SUPT16H: variants seen among roughly 807,000 people sequenced by gnomAD.
The protein encoded by SUPT16H is FACT complex subunit SPT16.
SUPT16H carries 24 observed loss-of-function variants against 136.2 expected under a neutral mutation model. That is an observed-to-expected ratio of 0.18 (90% CI 0.13 to 0.25). The LOEUF is 0.25. Among genes scored for constraint, SUPT16H ranks in the 10% least tolerant of loss-of-function variants. SUPT16H has a pLI of 1.00. For synonymous variants in SUPT16H, 415 were observed against 428.2 expected, an observed-to-expected ratio of 0.97 and a Z score of 0.38; for missense variants, 623 against 1,270.2, an observed-to-expected ratio of 0.49 and a Z score of 7.74.
At chr14:21,383,148 A>G (rs896249352) in intron 1 of SUPT16H, 19 of 156,474 alleles carry the variant, frequency 1.2e-4, no homozygotes, top group Non-Finnish European at 2.4e-4. Context: ...TTTTTAGAGC[A>G]GCAAAACTGC....
At chr14:21,353,923 T>G in intron 23 of SUPT16H, 91 bp from the exon 24 acceptor site, 1 of 1,276,630 alleles carries the variant, frequency 7.8e-7, no homozygotes. Flanking sequence ...TACCAGTATT[T>G]ACATGAAGAA....
intron 14 of SUPT16H, 91 bp downstream of exon 14, chr14:21,362,703 G>A (rs1468164630): frequency 7.0e-7 from 1 of 1,420,650 alleles, no homozygotes; most frequent in East Asian, 2.3e-5. Flanking sequence ...TCAAAAGTGG[G>A]AGACATGATG....
Position 21,362,893 on chromosome 14 carries a change from T to C in SUPT16H, c.1566A>G (p.Pro522=), listed in dbSNP as rs10138699. ...TGTAGATCTTCATTTCCCGAATATG[T>C]GGTTCCTTAGGCATCAGAGATGGGT... ...YKNPSLMPKE[P]HIREMKIYID... is the part of the protein sequence containing the mutation. The change falls in exon 14 of 26, where the codon CCA becomes CCG. Residue 522 remains proline (P), a synonymous_variant. Transcript: ENST00000216297. The C allele has an allele frequency of 0.89, 1,432,810 of 1,613,534 alleles. 640,011 individuals carry two copies. The highest frequency in any genetic ancestry group is 0.91 in the Middle Eastern group (5,514 of 6,058).
chr14:21,383,478 G>C, intron 1 of SUPT16H: 1 of 575,498 alleles, frequency 1.7e-6, no homozygotes, highest in Non-Finnish European at 3.1e-6. Flanking sequence ...GCGGGACCAG[G>C]GGTGGAATAT....
rs767429630 is a variant in SUPT16H at position 21,366,547 on chromosome 14, A to G, written c.956-18T>C. Reference sequence around the variant, plus strand: ...CTTCACACCTAATAACAAGACACAAAGGAGATATTAAAGTATCTTTTAGGA... The same window carrying G: ...CTTCACACCTAATAACAAGACACAAGGGAGATATTAAAGTATCTTTTAGGA... On this transcript the variant is annotated intron_variant, in intron 7 of 25. Coordinates refer to ENST00000216297, the MANE Select transcript of SUPT16H (RefSeq NM_007192.4). 2 of 1,601,034 alleles carry G rather than the reference A, an allele frequency of 1.2e-6. No homozygotes were observed. The highest frequency in any genetic ancestry group is 1.3e-5 in the African/African-American group (1 of 74,212).
intron 11 of SUPT16H, 39 bp downstream of exon 11, chr14:21,363,399 T>C: frequency 6.2e-7 from 1 of 1,609,282 alleles, no homozygotes; most frequent in Non-Finnish European, 8.5e-7. Flanking sequence ...CTTCTTTATA[T>C]CCTAAACTTC....
At chr14:21,366,894 T>C (rs776388791) in intron 7 of SUPT16H, among the ~76,000 whole-genome samples, 25 of 152,044 alleles carry the variant, frequency 1.6e-4, no homozygotes, top group Admixed American at 3.3e-4. Context: ...TCCTCCCACC[T>C]TGGCTTCCCA....
rs766274563 is a variant in SUPT16H, at chr14:21,352,786, C to G, written c.3031G>C (p.Glu1011Gln). 8.7e-6 allele frequency: 14 copies of G among 1,613,802 alleles called. No homozygotes were observed. Among genetic ancestry groups the G allele is most frequent in the Middle Eastern group, 1.6e-4 (1 of 6,062 alleles). ...TTCCGGCTCATACTTCGACTTTGTT[C>G]TTCTTCTTCCTCGTAACGACTTTCT... ...DRESRYEEEE[E>Q]QSRSMSRKRK... is the part of the protein sequence containing the mutation. The change falls in exon 26 of 26, where the codon GAA (glutamate) becomes CAA (glutamine). Residue 1011 changes from glutamate to glutamine, a missense_variant. Physicochemically the swap from Glu to Gln is conservative, Grantham distance 29 (BLOSUM62 2). Around this residue, in one of 7 missense-constraint regions of SUPT16H, gnomAD observed 88 missense variants for 135.5 expected, o/e 0.65. Transcript: ENST00000216297.
chr14:21,369,505 C>T, intron 5 of SUPT16H, 150 bp from the exon 6 acceptor site: 1 of 1,092,140 alleles, frequency 9.2e-7, no homozygotes, highest in South Asian at 1.6e-5. Flanking sequence ...GCAGGCAAAA[C>T]ACATTTGGAG....
chr14:21,355,300 T>C (rs541962017), intron 22 of SUPT16H, among the ~76,000 whole-genome samples: 60 of 152,028 alleles, frequency 3.9e-4, no homozygotes, highest in South Asian at 1.0e-3. Flanking sequence ...CGAGACCATC[T>C]TGGCTAACAC....
Position 21,368,941 on chromosome 14 carries a change from TG to T in SUPT16H, c.782+262del, listed in dbSNP as rs1242745472. Among the ~76,000 whole-genome samples, 13 of 152,014 alleles carry T rather than the reference TG, an allele frequency of 8.6e-5. No homozygotes were observed. In the East Asian group the frequency reaches 2.5e-3, roughly 29 times the overall value. On this transcript the variant is annotated intron_variant, in intron 6 of 25. Coordinates refer to ENST00000216297, the MANE Select transcript of SUPT16H (RefSeq NM_007192.4). Reference sequence around the variant, plus strand: ...AAGTGTGTAGGGGGGCAGGCGAGGATGAAAAGAAGTGGGTTAAAAGGTACAA... The same window carrying T: ...AAGTGTGTAGGGGGGCAGGCGAGGATAAAAGAAGTGGGTTAAAAGGTACAA...
chr14:21,352,740 C>A lies in SUPT16H; in HGVS notation c.3077G>T (p.Ser1026Ile), dbSNP rs373781982. Residue 1026 changes from serine (S) to isoleucine (I), a missense_variant, in exon 26 of 26, where the codon AGT becomes ATT. Around this residue, in one of 7 missense-constraint regions of SUPT16H, gnomAD observed 88 missense variants for 135.5 expected, o/e 0.65. Transcript: ENST00000216297. ...ACCACGGTTAGAGCCACGGCCCGAACTGTGCACAGATGCCTTCCTCTTCCG... is the reference window on the plus strand; with the variant it reads ...ACCACGGTTAGAGCCACGGCCCGAAATGTGCACAGATGCCTTCCTCTTCCG... ...MSRKRKASVH[S>I]SGRGSNRGSR... 4 of 1,613,992 alleles carry A rather than the reference C, an allele frequency of 2.5e-6. No homozygotes were observed. In the African/African-American group the frequency reaches 4.0e-5, roughly 16 times the overall value.
chr14:21,365,271 C>T (rs767403413), intron 8 of SUPT16H, 128 bp from the exon 9 acceptor site: 12 of 831,940 alleles, frequency 1.4e-5, no homozygotes, highest in Admixed American at 5.0e-5. Flanking sequence ...CCCTGCTGAC[C>T]GCTCAGTTAG....
At chr14:21,372,112 A>G in intron 2 of SUPT16H, 68 bp from the exon 3 acceptor site, 1 of 1,487,062 alleles carries the variant, frequency 6.7e-7, no homozygotes, top group East Asian at 2.3e-5. Context: ...ATATAGATAT[A>G]CAGAAATACT....
At chr14:21,366,805 T>C (rs1251565079) in intron 7 of SUPT16H, among the ~76,000 whole-genome samples, 1 of 152,038 alleles carries the variant, frequency 6.6e-6, no homozygotes, top group Non-Finnish European at 1.5e-5. Context: ...CACACCACTA[T>C]GCCCAGCTAA....
rs555892855 is a variant in SUPT16H at position 21,355,448 on chromosome 14, G to A, written c.2661-908C>T. ...GTGGAGGTTGCAGTGAGCCGAGATC[G>A]TGCCACTGCACTCCAGCCTGGGCAA... is the stretch of plus-strand genomic sequence containing the variant. On this transcript the variant is annotated intron_variant, in intron 22 of 25. Coordinates refer to ENST00000216297, the MANE Select transcript of SUPT16H (RefSeq NM_007192.4). Among the ~76,000 whole-genome samples the A allele has an allele frequency of 2.3e-3, 342 of 148,188 alleles. 1 individual carries two copies. The highest frequency in any genetic ancestry group is 8.2e-3 in the African/African-American group (328 of 40,190).
chr14:21,360,532 G>A lies in SUPT16H; in HGVS notation c.2058C>T (p.Gly686=). 6.2e-7 allele frequency: 1 copy of A among 1,607,878 alleles called. No homozygotes were observed. The highest frequency in any genetic ancestry group is 8.5e-7 in the Non-Finnish European group (1 of 1,176,088). Residue 686 remains glycine, a splice_region_variant and synonymous_variant, in exon 18 of 26, where the codon GGC becomes GGT. Transcript: ENST00000216297. ...CTCCTCGAACAGATGTGAAGCGGAAGCCTGGGGAAAAGAATGAAGAAATGT... is the reference window on the plus strand; with the variant it reads ...CTCCTCGAACAGATGTGAAGCGGAAACCTGGGGAAAAGAATGAAGAAATGT... ...MQGSLEAHVN[G]FRFTSVRGDK...
chr14:21,359,737 A>G, intron 18 of SUPT16H, 128 bp from the exon 19 acceptor site: 1 of 1,037,196 alleles, frequency 9.6e-7, no homozygotes, highest in Non-Finnish European at 1.4e-6. Flanking sequence ...CCCTGGTGTC[A>G]TCATAAATAA....
At chr14:21,373,997 G>A (rs71410278) in intron 1 of SUPT16H, among the ~76,000 whole-genome samples, 1,529 of 152,268 alleles carry the variant, frequency 0.01, 12 homozygotes, top group Non-Finnish European at 0.015. Flanking sequence ...CAAAGTGCTG[G>A]AATTACAGGC....
Sources: gnomAD v4.1 joint callset for allele counts (sites outside exome capture counted in the v4.1 genomes callset) on GRCh38, gnomAD v4.1.1 for gene constraint, gnomAD v4.1.1 regional missense constraint, MANE v1.5 for transcripts, NCBI Gene and HGNC (gene_info 2026-07-23, HGNC 2026-07-21) for gene names.